The following ENOX1 variants were observed in gnomAD, a reference collection of about 807,000 sequenced individuals.
ENOX1 encodes the protein candidate growth-related and time keeping constitutive hydroquinone (NADH) oxidase.
In ENOX1, 42 loss-of-function variants were observed where a neutral mutation model predicts 82.5. The ratio of observed to expected loss-of-function variants is 0.51; its 90% CI spans 0.40 to 0.66. ENOX1 has a LOEUF of 0.66. ENOX1 is among the 30% of genes least tolerant of loss of function. ENOX1 has a pLI of 0.00. For synonymous variants in ENOX1, 271 were observed against 282.2 expected (o/e 0.96, Z 0.40); for missense variants, 608 against 811.6 (o/e 0.75, Z 3.05).
chr13:43,504,578 T>C (rs2077085437), intron 2 of ENOX1, among the ~76,000 whole-genome samples: 1 of 151,412 alleles, frequency 6.6e-6, no homozygotes. Context: ...GAAGGAAAAA[T>C]GCTACATGAT....
At chr13:43,585,579 TTC>T (rs1310619416) in intron 2 of ENOX1, among the ~76,000 whole-genome samples, 2 of 152,304 alleles carry the variant, frequency 1.3e-5, no homozygotes, top group East Asian at 3.9e-4. Context: ...AGTTTTGTTT[TTC>T]TGTTTTTGTT....
chr13:43,457,807 A>G (rs1051067678), intron 3 of ENOX1, among the ~76,000 whole-genome samples: 1 of 152,198 alleles, frequency 6.6e-6, no homozygotes, highest in African/African-American at 2.4e-5. Context: ...ATAGCCTGCA[A>G]CAGAACCTAT....
intron 3 of ENOX1, among the ~76,000 whole-genome samples, chr13:43,475,206 G>T (rs1456211620): frequency 6.6e-6 from 1 of 152,072 alleles, no homozygotes. Context: ...TCATACTGGG[G>T]ATATCAGTAC....
intron 2 of ENOX1, among the ~76,000 whole-genome samples, chr13:43,537,986 C>T (rs1224714561): frequency 4.6e-5 from 7 of 152,190 alleles, no homozygotes; most frequent in Admixed American, 2.6e-4. Context: ...AATAGTCCTG[C>T]CTCTCAGTGA....
chr13:43,234,546 A>G (rs2042431044), intron 15 of ENOX1, among the ~76,000 whole-genome samples: 1 of 152,212 alleles, frequency 6.6e-6, no homozygotes, highest in African/African-American at 2.4e-5. Flanking sequence ...AAATGCTAAT[A>G]TTAGTAAACT....
rs539240057 is a variant in ENOX1, at chr13:43,666,864, C to T, written c.-219+615G>A. ...GGATGATATAGATCACTGTCATCCA[C>T]GTCAGTTCTATAAAGGGCATCAAAG... On this transcript the variant is annotated intron_variant, in intron 2 of 16. Transcript: ENST00000690772. Among the ~76,000 whole-genome samples the T allele has an allele frequency of 1.4e-4, 21 of 152,172 alleles. No homozygotes were observed. In the South Asian group the frequency reaches 2.9e-3, roughly 21 times the overall value.
intron 2 of ENOX1, among the ~76,000 whole-genome samples, chr13:43,519,263 T>C (rs1363455643): frequency 2.0e-5 from 3 of 152,184 alleles, no homozygotes; most frequent in South Asian, 2.1e-4. Flanking sequence ...AATAACATTA[T>C]GGAATACATG....
chr13:43,482,557 A>T (rs537336673), intron 3 of ENOX1, among the ~76,000 whole-genome samples: 21 of 152,142 alleles, frequency 1.4e-4, no homozygotes, highest in Admixed American at 5.2e-4. Flanking sequence ...TTGCTGTACA[A>T]CATGCAGAGA....
intron 3 of ENOX1, among the ~76,000 whole-genome samples, chr13:43,416,354 C>T (rs1463218429): frequency 1.5e-4 from 22 of 142,904 alleles, no homozygotes; most frequent in Non-Finnish European, 2.5e-4. Flanking sequence ...CCAGATGGGG[C>T]GGCCGGACAG....
intron 5 of ENOX1, among the ~76,000 whole-genome samples, chr13:43,404,677 G>A (rs1224372231): frequency 6.6e-6 from 1 of 152,190 alleles, no homozygotes; most frequent in East Asian, 1.9e-4. Flanking sequence ...GAGCATCACT[G>A]GTCGGTCAGG....
chr13:43,612,224 G>A (rs1176670193), intron 2 of ENOX1, among the ~76,000 whole-genome samples: 8 of 152,180 alleles, frequency 5.3e-5, no homozygotes, highest in Admixed American at 3.3e-4. Context: ...TTTTGAATAA[G>A]ATGGTGTGTA....
At chr13:43,573,753 A>G (rs887880260) in intron 2 of ENOX1, among the ~76,000 whole-genome samples, 4 of 152,070 alleles carry the variant, frequency 2.6e-5, no homozygotes, top group Non-Finnish European at 5.9e-5. Context: ...TATATTGTTC[A>G]CCTCCAAACT....
rs971078768 is a variant in ENOX1 at position 43,494,904 on chromosome 13, T to C, written c.-218-10752A>G. Among the ~76,000 whole-genome samples, 97 of 151,956 alleles carry C rather than the reference T, an allele frequency of 6.4e-4. 1 individual carries two copies. Among genetic ancestry groups the C allele is most frequent in the African/African-American group, 2.2e-3 (93 of 41,378 alleles). ...AAAAAATTCCATCAATTAGATGAAA[T>C]GGATAATGAGAAAAAAGATGCAGTC... is the stretch of plus-strand genomic sequence containing the variant. On this transcript the variant is annotated intron_variant, in intron 2 of 16. Transcript: ENST00000690772.
At chr13:43,267,219 C>T (rs1234778783) in intron 13 of ENOX1, among the ~76,000 whole-genome samples, 2 of 152,156 alleles carry the variant, frequency 1.3e-5, no homozygotes, top group Admixed American at 6.5e-5. Flanking sequence ...CTGCTACTCT[C>T]CCCCAGGTAG....
At chr13:43,632,626 T>C (rs1391763821) in intron 2 of ENOX1, among the ~76,000 whole-genome samples, 4 of 151,996 alleles carry the variant, frequency 2.6e-5, no homozygotes, top group Non-Finnish European at 5.9e-5. Flanking sequence ...TTTGTATTTT[T>C]AGTAGAGATG....
intron 1 of ENOX1, among the ~76,000 whole-genome samples, chr13:43,772,755 A>C (rs1428717777): frequency 6.7e-6 from 1 of 149,186 alleles, no homozygotes; most frequent in Non-Finnish European, 1.5e-5. Flanking sequence ...TCTTTAAAAA[A>C]AAAAAAAAAA....
chr13:43,461,881 T>C (rs1226198684), intron 3 of ENOX1, among the ~76,000 whole-genome samples: 1 of 152,204 alleles, frequency 6.6e-6, no homozygotes. Context: ...ATTAGCGCAA[T>C]CACTTTTTTG....
chr13:43,394,829 C>G (rs76288175), intron 5 of ENOX1: 5 of 149,988 alleles, frequency 3.3e-5, no homozygotes, highest in Admixed American at 3.3e-4. Flanking sequence ...CCAAGAAGGA[C>G]GAATTCCTCC....
intron 1 of ENOX1, among the ~76,000 whole-genome samples, chr13:43,781,700 G>A (rs547793922): frequency 1.8e-4 from 28 of 152,180 alleles, no homozygotes; most frequent in South Asian, 6.2e-4. Context: ...TTGTAGAGAC[G>A]GGGTTTCTCC....
Sources: allele counts gnomAD v4.1 joint callset (sites outside exome capture counted in the v4.1 genomes callset), GRCh38; gene constraint gnomAD v4.1.1; transcripts MANE v1.5; gene names NCBI Gene and HGNC (gene_info 2026-07-23, HGNC 2026-07-21).